The following L3MBTL3 variants were observed in gnomAD, a reference collection of about 807,000 sequenced individuals.
L3MBTL3 encodes lethal(3)malignant brain tumor-like protein 3.
Under a neutral mutation model 102.3 loss-of-function variants are expected in L3MBTL3, and 27 were observed. The ratio of observed to expected loss-of-function variants is 0.26; its 90% CI spans 0.19 to 0.36. The LOEUF (loss-of-function observed/expected upper bound fraction) is 0.36. Ranked by LOEUF, L3MBTL3 falls within the 10% of genes least tolerant of loss-of-function variation. The pLI is 1.00. For synonymous variants in L3MBTL3, 340 were observed against 320.9 expected, an observed-to-expected ratio of 1.06 and a Z score of -0.64; for missense variants, 798 against 955.3, an observed-to-expected ratio of 0.84 and a Z score of 2.17.
At chr6:130,063,153 T>A (rs1342383810) in intron 10 of L3MBTL3, among the ~76,000 whole-genome samples, 3 of 152,106 alleles carry the variant, frequency 2.0e-5, no homozygotes, top group Non-Finnish European at 4.4e-5. Flanking sequence ...ATCCAAGTCT[T>A]AGGCAGAAGG....
intron 14 of L3MBTL3, among the ~76,000 whole-genome samples, chr6:130,083,114 TG>T (rs1425635614): frequency 6.6e-6 from 1 of 152,216 alleles, no homozygotes; most frequent in African/African-American, 2.4e-5. Context: ...ACATCATTTG[TG>T]TGTGTTTGTT....
chr6:130,029,634 G>T (rs1376694140), intron 2 of L3MBTL3, among the ~76,000 whole-genome samples: 1 of 152,056 alleles, frequency 6.6e-6, no homozygotes, highest in Non-Finnish European at 1.5e-5. Flanking sequence ...CATTGTTCTT[G>T]ACTGCCCTGC....
rs1317229546 is a variant in L3MBTL3 at position 130,031,916 on chromosome 6, C to G, written c.-16+9611C>G. ...TATTAAAATAAAAATAACATATCTA[C>G]TTTTCTTTTTTTTGAGATAGAGCTT... On this transcript the variant is annotated intron_variant, in intron 2 of 22. Transcript: ENST00000361794. Among the ~76,000 whole-genome samples, 3 of 151,816 alleles carry G rather than the reference C, an allele frequency of 2.0e-5. No individual in the cohort carries two copies. The East Asian group carries it at 5.8e-4, about 29-fold the overall frequency.
intron 19 of L3MBTL3, among the ~76,000 whole-genome samples, chr6:130,113,579 C>T (rs1785480249): frequency 6.6e-6 from 1 of 152,204 alleles, no homozygotes; most frequent in African/African-American, 2.4e-5. Flanking sequence ...CTGCCAAATG[C>T]TTAGATTACC....
At chr6:130,033,452 A>G (rs920643840) in intron 2 of L3MBTL3, among the ~76,000 whole-genome samples, 1 of 152,216 alleles carries the variant, frequency 6.6e-6, no homozygotes. Flanking sequence ...TGGATTCTAC[A>G]GTGGAGGTTG....
At chr6:130,134,365 C>G (rs77728065) in intron 22 of L3MBTL3, among the ~76,000 whole-genome samples, 2,412 of 152,190 alleles carry the variant, frequency 0.016, 30 homozygotes, top group Middle Eastern at 0.058. Context: ...AAAAAAATCC[C>G]TTAAGTCATA....
chr6:130,113,215 T>C (rs1785459893), intron 19 of L3MBTL3, among the ~76,000 whole-genome samples: 1 of 152,220 alleles, frequency 6.6e-6, no homozygotes, highest in South Asian at 2.1e-4. Context: ...GAGGTACTCA[T>C]TCAGGAAATG....
At chr6:130,101,439 C>T (rs2115324339) in intron 18 of L3MBTL3, among the ~76,000 whole-genome samples, 1 of 152,286 alleles carries the variant, frequency 6.6e-6, no homozygotes, top group Middle Eastern at 3.4e-3. Context: ...TACTAGGGAG[C>T]CACAAGGGAC....
chr6:130,059,966 G>T, intron 9 of L3MBTL3, 70 bp from the exon 10 acceptor site: 1 of 751,384 alleles, frequency 1.3e-6, no homozygotes. Context: ...TTTTTAAAAT[G>T]GTAACTATTT....
chr6:130,020,942 A>G (rs1391253212), intron 1 of L3MBTL3, among the ~76,000 whole-genome samples: 2 of 151,266 alleles, frequency 1.3e-5, no homozygotes, highest in Non-Finnish European at 2.9e-5. Flanking sequence ...TAGATTTTTA[A>G]TTGTTAGGTT....
chr6:130,090,515 G>T (rs1783975781), intron 16 of L3MBTL3, among the ~76,000 whole-genome samples: 1 of 152,162 alleles, frequency 6.6e-6, no homozygotes, highest in African/African-American at 2.4e-5. Flanking sequence ...AATAGGAGAA[G>T]AATTGTATCT....
chr6:130,031,871 T>C (rs959880426), intron 2 of L3MBTL3, among the ~76,000 whole-genome samples: 11 of 152,014 alleles, frequency 7.2e-5, no homozygotes, highest in African/African-American at 2.7e-4. Context: ...ATACTAATTT[T>C]TACTAATAGT....
At chr6:130,134,443 G>A (rs550673423) in intron 22 of L3MBTL3, among the ~76,000 whole-genome samples, 19 of 152,200 alleles carry the variant, frequency 1.2e-4, no homozygotes, top group African/African-American at 3.1e-4. Flanking sequence ...TATTTTATTA[G>A]TTGTTTTCAA....
intron 11 of L3MBTL3, among the ~76,000 whole-genome samples, chr6:130,067,717 G>A (rs530848028): frequency 1.8e-4 from 28 of 152,214 alleles, no homozygotes; most frequent in African/African-American, 6.5e-4. Context: ...GGACTTTAAT[G>A]AATGTAAAAT....
chr6:130,093,714 G>T (rs1220921558), intron 17 of L3MBTL3, among the ~76,000 whole-genome samples: 3 of 152,174 alleles, frequency 2.0e-5, no homozygotes, highest in African/African-American at 4.8e-5. Context: ...CATCTGTGTT[G>T]TGCCTTTTAT....
At chr6:130,069,497 T>A (rs1782486271) in intron 12 of L3MBTL3, among the ~76,000 whole-genome samples, 1 of 152,226 alleles carries the variant, frequency 6.6e-6, no homozygotes, top group South Asian at 2.1e-4. Flanking sequence ...TGCATGCGTA[T>A]GTGTGTTTAG....
intron 18 of L3MBTL3, among the ~76,000 whole-genome samples, chr6:130,100,969 T>TA (rs1397895306): frequency 2.6e-5 from 4 of 152,224 alleles, no homozygotes; most frequent in Non-Finnish European, 5.9e-5. Flanking sequence ...TACAGTTATT[T>TA]AATAATTGTA....
chr6:130,028,900 C>G (rs1439382872), intron 2 of L3MBTL3, among the ~76,000 whole-genome samples: 1 of 152,150 alleles, frequency 6.6e-6, no homozygotes, highest in East Asian at 1.9e-4. Context: ...TACTTAGCAG[C>G]CTAGTTGTTA....
chr6:130,073,742 T>TA (rs1562287803), intron 13 of L3MBTL3, among the ~76,000 whole-genome samples: 1 of 152,078 alleles, frequency 6.6e-6, no homozygotes, highest in African/African-American at 2.4e-5. Flanking sequence ...TCCTGGGTTC[T>TA]AAAAAAGATC....
Sources: gnomAD v4.1 joint callset for allele counts (sites outside exome capture counted in the v4.1 genomes callset) on GRCh38, gnomAD v4.1.1 for gene constraint, MANE v1.5 for transcripts, NCBI Gene and HGNC (gene_info 2026-07-23, HGNC 2026-07-21) for gene names.